The following ESCO1 variants were observed in gnomAD, a reference collection of about 807,000 sequenced individuals.
The protein encoded by ESCO1 is N-acetyltransferase ESCO1.
In ESCO1, 33 loss-of-function variants were observed where a neutral mutation model predicts 83.5. The ratio of observed to expected loss-of-function variants is 0.40; its 90% CI spans 0.30 to 0.53. ESCO1 has a LOEUF of 0.53. Ranked by LOEUF, ESCO1 falls within the 20% of genes least tolerant of loss-of-function variation. The probability of loss-of-function intolerance (pLI) is 0.63; values close to 1 mark genes in which losing one functional copy is unlikely to be tolerated. For missense variants in ESCO1, 855 were observed against 968.0 expected (o/e 0.88, Z 1.55); for synonymous variants, 332 against 324.3 (o/e 1.02, Z -0.25).
chr18:21,599,421 A>T (rs1375311996), intron 1 of ESCO1, among the ~76,000 whole-genome samples: 2 of 152,244 alleles, frequency 1.3e-5, no homozygotes, highest in Non-Finnish European at 2.9e-5. Flanking sequence ...ACCAGAAGAC[A>T]AAGTGAATAT....
At chr18:21,572,209 G>A (rs901742772) in intron 4 of ESCO1, among the ~76,000 whole-genome samples, 1 of 152,102 alleles carries the variant, frequency 6.6e-6, no homozygotes, top group African/African-American at 2.4e-5. Flanking sequence ...CACCAAACGT[G>A]TTGCCTAAAT....
Position 21,577,020 on chromosome 18 carries a change from G to A in ESCO1, c.-693-1243C>T, listed in dbSNP as rs190087096. On this transcript the variant is annotated intron_variant, in intron 2 of 11. Transcript: ENST00000269214. ...TGCACTCCAGCCTAGGCGACAGAGCGAGACTCTTGTCTCAAAAAAAAAAAA... is the reference window on the plus strand; with the variant it reads ...TGCACTCCAGCCTAGGCGACAGAGCAAGACTCTTGTCTCAAAAAAAAAAAA... 2.1e-3 allele frequency among the ~76,000 whole-genome samples: 309 copies of A among 149,976 alleles called. 1 individual carries two copies. The highest frequency in any genetic ancestry group is 7.4e-3 in the African/African-American group (298 of 40,486).
intron 1 of ESCO1, among the ~76,000 whole-genome samples, chr18:21,595,183 T>A (rs530328454): frequency 6.6e-6 from 1 of 152,106 alleles, no homozygotes; most frequent in African/African-American, 2.4e-5. Flanking sequence ...TATATTATGA[T>A]AGATGCTGGG....
At chr18:21,532,066 T>TA (rs1171233436) in intron 11 of ESCO1, among the ~76,000 whole-genome samples, 2 of 152,120 alleles carry the variant, frequency 1.3e-5, no homozygotes, top group East Asian at 1.9e-4. Flanking sequence ...GAAAAACTAA[T>TA]AAGAGATTTT....
intron 1 of ESCO1, among the ~76,000 whole-genome samples, chr18:21,585,672 A>G (rs1422752782): frequency 6.6e-6 from 1 of 152,062 alleles, no homozygotes; most frequent in African/African-American, 2.4e-5. Flanking sequence ...TGCCCAGGCA[A>G]GTCTCAAACT....
At chr18:21,546,678 A>G (rs1450744854) in intron 8 of ESCO1, among the ~76,000 whole-genome samples, 1 of 152,048 alleles carries the variant, frequency 6.6e-6, no homozygotes, top group African/African-American at 2.4e-5. Context: ...TCCCGAGTAG[A>G]TGGGACCACA....
chr18:21,530,859 C>T (rs1273552494), intron 11 of ESCO1, among the ~76,000 whole-genome samples: 1 of 152,116 alleles, frequency 6.6e-6, no homozygotes, highest in Non-Finnish European at 1.5e-5. Flanking sequence ...CTACTCTCAC[C>T]TCTTCTATTC....
In ESCO1 at chr18:21,574,166, C is replaced by G. The variant is rs372388596; in HGVS notation, c.678G>C (p.Lys226Asn). 2 of 1,613,918 alleles carry G rather than the reference C, an allele frequency of 1.2e-6. No individual in the cohort carries two copies. The highest frequency in any genetic ancestry group is 8.5e-7 in the Non-Finnish European group (1 of 1,180,002). ...CSSQCTQGSEKCPQKTTRRDE... is the reference protein window; with the variant it reads ...CSSQCTQGSENCPQKTTRRDE... ...CTCTTCTAGTAGTCTTCTGAGGACACTTTTCAGATCCTTGCGTGCATTGAG... is the reference window on the plus strand; with the variant it reads ...CTCTTCTAGTAGTCTTCTGAGGACAGTTTTCAGATCCTTGCGTGCATTGAG... The change falls in exon 4 of 12, where the codon AAG (lysine) becomes AAC (asparagine). Residue 226 changes from lysine to asparagine, a missense_variant. Around this residue, in one of 2 missense-constraint regions of ESCO1, gnomAD observed 726 missense variants for 699.5 expected, o/e 1.04. Transcript: ENST00000269214.
chr18:21,557,826 A>C (rs921100942), intron 8 of ESCO1, among the ~76,000 whole-genome samples: 6 of 152,090 alleles, frequency 3.9e-5, no homozygotes, highest in African/African-American at 1.4e-4. Flanking sequence ...GCCAGGGGAG[A>C]GAACTCGTGC....
chr18:21,585,354 T>G (rs544036866), intron 1 of ESCO1, among the ~76,000 whole-genome samples: 1 of 152,308 alleles, frequency 6.6e-6, no homozygotes, highest in African/African-American at 2.4e-5. Context: ...CTGATCGTCT[T>G]GGCCACCTGA....
intron 1 of ESCO1, among the ~76,000 whole-genome samples, chr18:21,595,754 G>A (rs866793626): frequency 2.7e-5 from 4 of 149,830 alleles, no homozygotes; most frequent in Middle Eastern, 3.7e-3. Flanking sequence ...ACGAGGTCAG[G>A]AGATCGAGAC....
chr18:21,583,464 T>A (rs957360461), intron 2 of ESCO1, among the ~76,000 whole-genome samples: 5 of 151,736 alleles, frequency 3.3e-5, no homozygotes, highest in South Asian at 4.2e-4. Context: ...GGCAACACGG[T>A]GAAACCCCAT....
In ESCO1 at chr18:21,574,177, C is replaced by T. The variant is rs1402722118; in HGVS notation, c.667G>A (p.Gly223Arg). Residue 223 changes from glycine (G) to arginine (R), a missense_variant, in exon 4 of 12, where the codon GGA becomes AGA. Transcript: ENST00000269214. ...GTCTTCTGAGGACACTTTTCAGATCCTTGCGTGCATTGAGAACTACAAGCA... is the reference window on the plus strand; with the variant it reads ...GTCTTCTGAGGACACTTTTCAGATCTTTGCGTGCATTGAGAACTACAAGCA... ...ACACSSQCTQ[G>R]SEKCPQKTTR... 6.2e-7 allele frequency: 1 copy of T among 1,613,734 alleles called. No homozygotes were observed. The highest frequency in any genetic ancestry group is 8.5e-7 in the Non-Finnish European group (1 of 1,180,004).
At chr18:21,543,302 G>A (rs1229762625) in intron 8 of ESCO1, among the ~76,000 whole-genome samples, 3 of 152,150 alleles carry the variant, frequency 2.0e-5, no homozygotes, top group South Asian at 2.1e-4. Context: ...TCACAGGCAT[G>A]TGCCACCACG....
At chr18:21,540,494 G>T in intron 8 of ESCO1, 1 of 1,083,442 alleles carries the variant, frequency 9.2e-7, no homozygotes, top group South Asian at 2.1e-5. Context: ...GCATGCAGTA[G>T]CCCAGTATGA....
intron 8 of ESCO1, among the ~76,000 whole-genome samples, chr18:21,560,022 C>A (rs1005037857): frequency 6.6e-6 from 1 of 151,972 alleles, no homozygotes; most frequent in Non-Finnish European, 1.5e-5. Flanking sequence ...AATCTAGTAT[C>A]TGGTACCTAT....
chr18:21,575,421 G>A lies in ESCO1; in HGVS notation c.-578C>T, dbSNP rs1000108002. On this transcript the variant is annotated 5_prime_UTR_variant, in exon 4 of 12. Coordinates refer to ENST00000269214, the MANE Select transcript of ESCO1 (RefSeq NM_052911.3). ...TCTATTAATATAGATTTCCTTTTGT[G>A]CTGCCGTTTCTGAAAAATTAAAAAA... 3.3e-5 allele frequency: 13 copies of A among 397,864 alleles called. No homozygotes were observed. The Middle Eastern group carries it at 3.1e-3, about 95-fold the overall frequency. The allele number at this position is 397,864 out of a possible 1,614,324, so 24.6% of individuals were successfully genotyped here.
chr18:21,577,853 C>T (rs944000131), intron 2 of ESCO1, among the ~76,000 whole-genome samples: 2 of 152,032 alleles, frequency 1.3e-5, no homozygotes, highest in Non-Finnish European at 2.9e-5. Flanking sequence ...ATTGCTGAAA[C>T]CCACTCTGTT....
chr18:21,563,854 T>TA (rs2038221919), intron 7 of ESCO1, among the ~76,000 whole-genome samples: 3 of 151,798 alleles, frequency 2.0e-5, no homozygotes, highest in Admixed American at 2.0e-4. Context: ...GTTTGCGTCT[T>TA]AGAGGTGAAT....
Sources: gnomAD v4.1 joint callset for allele counts (sites outside exome capture counted in the v4.1 genomes callset) on GRCh38, gnomAD v4.1.1 for gene constraint, gnomAD v4.1.1 regional missense constraint, MANE v1.5 for transcripts, NCBI Gene and HGNC (gene_info 2026-07-23, HGNC 2026-07-21) for gene names.